ACVR1: variants seen among roughly 807,000 people sequenced by gnomAD.
ACVR1 encodes activin A receptor type 1.
ACVR1 carries 38 observed loss-of-function variants against 57.1 expected under a neutral mutation model. The ratio of observed to expected loss-of-function variants is 0.67; its 90% CI spans 0.51 to 0.87. The LOEUF (loss-of-function observed/expected upper bound fraction) is 0.87, where lower values mean the gene tolerates loss of function less well. Ranked by LOEUF, ACVR1 falls within the 40% of genes least tolerant of loss-of-function variation. ACVR1 has a pLI of 0.00. For synonymous variants in ACVR1, 212 were observed against 228.1 expected (o/e 0.93, Z 0.63); for missense variants, 463 against 638.2 (o/e 0.73, Z 2.96).
chr2:157,777,268 A>G, intron 5 of ACVR1, among the ~76,000 whole-genome samples: 1 of 152,210 alleles, frequency 6.6e-6, no homozygotes, highest in East Asian at 1.9e-4. Flanking sequence ...TATAAATACA[A>G]TAGTTTCTAA....
At chr2:157,778,834 C>T (rs1437823177) in intron 4 of ACVR1, among the ~76,000 whole-genome samples, 1 of 152,178 alleles carries the variant, frequency 6.6e-6, no homozygotes, top group Non-Finnish European at 1.5e-5. Flanking sequence ...ATTCATTCCT[C>T]TCTTCATTTA....
At chr2:157,805,429 G>GA (rs1376634748) in intron 2 of ACVR1, among the ~76,000 whole-genome samples, 7 of 152,158 alleles carry the variant, frequency 4.6e-5, no homozygotes, top group Admixed American at 4.6e-4. Context: ...TCATCCACGT[G>GA]AAGACACTTT....
chr2:157,824,866 G>C (rs749004864), intron 1 of ACVR1, among the ~76,000 whole-genome samples: 1 of 151,946 alleles, frequency 6.6e-6, no homozygotes, highest in Non-Finnish European at 1.5e-5. Flanking sequence ...TGACTCTCCT[G>C]CCTCAGCCTC....
chr2:157,807,854 T>TGGGA (rs1687606748), intron 2 of ACVR1, among the ~76,000 whole-genome samples: 1 of 31,094 alleles, frequency 3.2e-5, no homozygotes, highest in Admixed American at 5.5e-4. Context: ...TATAATAATT[T>TGGGA]GGGGGGGGGG....
intron 1 of ACVR1, among the ~76,000 whole-genome samples, chr2:157,824,087 A>G (rs1688251659): frequency 6.6e-6 from 1 of 152,242 alleles, no homozygotes; most frequent in Non-Finnish European, 1.5e-5. Flanking sequence ...AGCAGCTATA[A>G]GAAGAGAAGT....
rs112421647 is a variant in ACVR1 at position 157,807,999 on chromosome 2, C to T, written c.-7-8499G>A. 3.3e-3 allele frequency among the ~76,000 whole-genome samples: 504 copies of T among 152,002 alleles called. 7 individuals are homozygous for T. Among genetic ancestry groups the T allele is most frequent in the African/African-American group, 0.011 (466 of 41,454 alleles). ...TTTTCTGTGGTAGTGAGAAACACCA[C>T]CCTTTATACACTGGCCTAACCAAAG... On this transcript the variant is annotated intron_variant, in intron 2 of 10. Transcript: ENST00000434821.
At chr2:157,758,872 C>CA (rs1418588585) in intron 9 of ACVR1, among the ~76,000 whole-genome samples, 1 of 151,828 alleles carries the variant, frequency 6.6e-6, no homozygotes, top group Non-Finnish European at 1.5e-5. Flanking sequence ...CATGGAAATT[C>CA]AAAAACACAC....
chr2:157,784,162 G>C (rs1686627252), intron 3 of ACVR1, among the ~76,000 whole-genome samples: 1 of 152,156 alleles, frequency 6.6e-6, no homozygotes, highest in Non-Finnish European at 1.5e-5. Flanking sequence ...AGCATAACAT[G>C]TGTGGGCCTG....
chr2:157,833,492 G>T (rs72999474), intron 1 of ACVR1, among the ~76,000 whole-genome samples: 1 of 152,226 alleles, frequency 6.6e-6, no homozygotes. Context: ...CACTGAGAGA[G>T]ACATGGTAAG....
intron 1 of ACVR1, among the ~76,000 whole-genome samples, chr2:157,846,474 C>T (rs968186959): frequency 7.9e-5 from 12 of 152,206 alleles, no homozygotes; most frequent in African/African-American, 2.9e-4. Context: ...CCATTTAATT[C>T]TGCCAAAGCT....
intron 3 of ACVR1, among the ~76,000 whole-genome samples, chr2:157,789,833 ACTCC>A (rs1361184670): frequency 1.3e-5 from 2 of 152,200 alleles, no homozygotes; most frequent in Non-Finnish European, 2.9e-5. Context: ...AAATAGTTTA[ACTCC>A]AAAACTTTCT....
intron 10 of ACVR1, 24 bp from the exon 11 acceptor site, chr2:157,737,689 C>T (rs770386654): frequency 6.2e-7 from 1 of 1,613,988 alleles, no homozygotes; most frequent in Admixed American, 1.7e-5. Flanking sequence ...GAACAAACAC[C>T]ACAATGACAA....
At chr2:157,757,435 T>A (rs1198219039) in intron 9 of ACVR1, among the ~76,000 whole-genome samples, 1 of 151,470 alleles carries the variant, frequency 6.6e-6, no homozygotes, top group Non-Finnish European at 1.5e-5. Context: ...AATGGTATTG[T>A]CCAAGGCACA....
At chr2:157,855,306 G>GTATATATA (rs1459134497) in intron 1 of ACVR1, among the ~76,000 whole-genome samples, 1 of 53,160 alleles carries the variant, frequency 1.9e-5, no homozygotes, top group African/African-American at 6.6e-5. Flanking sequence ...GTGTGTGTGT[G>GTATATATA]TGTATATATA....
At chr2:157,831,763 G>A (rs1235431408) in intron 1 of ACVR1, among the ~76,000 whole-genome samples, 6 of 152,104 alleles carry the variant, frequency 3.9e-5, no homozygotes, top group African/African-American at 1.4e-4. Flanking sequence ...CCAATCCTTG[G>A]CTTCTACTCC....
intron 7 of ACVR1, 144 bp from the exon 8 acceptor site, chr2:157,766,340 G>T: frequency 1.2e-6 from 1 of 824,690 alleles, no homozygotes; most frequent in Non-Finnish European, 2.0e-6. Flanking sequence ...GAGGTTTACA[G>T]AAGCATCAAC....
intron 5 of ACVR1, among the ~76,000 whole-genome samples, chr2:157,775,105 G>A (rs538472889): frequency 6.6e-6 from 1 of 152,212 alleles, no homozygotes; most frequent in Non-Finnish European, 1.5e-5. Context: ...GGTAAGCGCA[G>A]GCAGCAACGG....
intron 2 of ACVR1, among the ~76,000 whole-genome samples, chr2:157,805,265 C>T (rs1687475729): frequency 6.6e-6 from 1 of 152,302 alleles, no homozygotes; most frequent in East Asian, 1.9e-4. Flanking sequence ...ATGGCCTAAA[C>T]TCATTCTTCA....
chr2:157,812,705 T>G (rs1687793567), intron 2 of ACVR1, among the ~76,000 whole-genome samples: 1 of 152,196 alleles, frequency 6.6e-6, no homozygotes, highest in African/African-American at 2.4e-5. Flanking sequence ...ACAAATAAGT[T>G]TGTGCAATAC....
Sources: gnomAD v4.1 joint callset for allele counts (sites outside exome capture counted in the v4.1 genomes callset) on GRCh38, gnomAD v4.1.1 for gene constraint, MANE v1.5 for transcripts, NCBI Gene and HGNC (gene_info 2026-07-23, HGNC 2026-07-21) for gene names.